Variants in LCORL observed in about 807,000 individuals in gnomAD.
LCORL encodes the protein ligand-dependent nuclear receptor corepressor-like protein.
LCORL carries 41 observed loss-of-function variants against 141.8 expected under a neutral mutation model. The ratio of observed to expected loss-of-function variants is 0.29; its 90% CI spans 0.23 to 0.38. The LOEUF (loss-of-function observed/expected upper bound fraction) is 0.38, where lower values mean the gene tolerates loss of function less well. Ranked by LOEUF, LCORL falls within the 10% of genes least tolerant of loss-of-function variation. The pLI is 1.00. For missense variants in LCORL, 1,759 were observed against 2,035.0 expected (o/e 0.86, Z 2.61); for synonymous variants, 618 against 694.1 (o/e 0.89, Z 1.72).
At chr4:17,985,705 T>C (rs144796655) in intron 1 of LCORL, among the ~76,000 whole-genome samples, 157 of 152,276 alleles carry the variant, frequency 1.0e-3, no homozygotes, top group Middle Eastern at 3.4e-3. Context: ...TGGGTCTTGC[T>C]TTTTTATCCA....
intron 1 of LCORL, among the ~76,000 whole-genome samples, chr4:17,994,266 T>A (rs1481528011): frequency 3.3e-5 from 5 of 152,206 alleles, no homozygotes; most frequent in African/African-American, 1.2e-4. Flanking sequence ...ATGATGCTAT[T>A]TTGTTTTATA....
At chr4:17,959,152 C>T (rs1713282112) in intron 4 of LCORL, among the ~76,000 whole-genome samples, 1 of 151,908 alleles carries the variant, frequency 6.6e-6, no homozygotes, top group South Asian at 2.1e-4. Context: ...TTATTAAGCA[C>T]TATAAGGGAA....
chr4:17,899,003 TATC>T (rs1730438490), intron 5 of LCORL, among the ~76,000 whole-genome samples: 1 of 152,256 alleles, frequency 6.6e-6, no homozygotes, highest in Non-Finnish European at 1.5e-5. Context: ...CTTGAATTCT[TATC>T]AGTGTGACAG....
intron 7 of LCORL, among the ~76,000 whole-genome samples, chr4:17,848,248 G>A (rs1723171497): frequency 6.6e-6 from 1 of 152,202 alleles, no homozygotes; most frequent in African/African-American, 2.4e-5. Flanking sequence ...CAGTGGATAT[G>A]CAAAGTTTGG....
chr4:17,895,006 T>C lies in LCORL; in HGVS notation c.683-8845A>G, dbSNP rs1243930913. Among the ~76,000 whole-genome samples, 4 of 149,648 alleles carry C rather than the reference T, an allele frequency of 2.7e-5. No homozygotes were observed. The East Asian group carries it at 5.8e-4, about 22-fold the overall frequency. On this transcript the variant is annotated intron_variant, in intron 5 of 7. Coordinates refer to ENST00000635767, the Ensembl canonical transcript of LCORL. The stretch of plus-strand genomic sequence containing the variant: ...AAAATAATCTTTCCTCTGATATTTA[T>C]CTTTATATATATATGTTTATATATA...
chr4:17,961,919 T>G (rs775548428), exon 4 of LCORL: 3 of 1,609,284 alleles, frequency 1.9e-6, no homozygotes, highest in Non-Finnish European at 2.5e-6. Flanking sequence ...TTCGAAAGAG[T>G]GCATTTAGGT....
At chr4:18,020,926 C>T (rs906602597) in intron 1 of LCORL, among the ~76,000 whole-genome samples, 1 of 152,330 alleles carries the variant, frequency 6.6e-6, no homozygotes, top group East Asian at 1.9e-4. Flanking sequence ...ACCGTCAGCG[C>T]TCAAGCGGCT....
chr4:17,979,778 C>T (rs1378700545), intron 1 of LCORL, among the ~76,000 whole-genome samples: 1 of 152,130 alleles, frequency 6.6e-6, no homozygotes. Context: ...GCAAACTATG[C>T]TACATGGCAA....
intron 6 of LCORL, chr4:17,883,621 C>T (rs1312769060): frequency 7.9e-6 from 11 of 1,388,338 alleles, no homozygotes; most frequent in African/African-American, 1.5e-5. Flanking sequence ...GTAATTCCCA[C>T]GTGTGTATAT....
chr4:17,868,370 T>C (rs1577286186), intron 7 of LCORL, among the ~76,000 whole-genome samples: 2 of 152,088 alleles, frequency 1.3e-5, no homozygotes, highest in Non-Finnish European at 2.9e-5. Flanking sequence ...ATTCAAAATT[T>C]TTATGGGAAA....
chr4:17,938,407 CTGTT>C (rs748955415), intron 4 of LCORL, among the ~76,000 whole-genome samples: 11 of 145,674 alleles, frequency 7.6e-5, no homozygotes, highest in Non-Finnish European at 3.0e-5. Flanking sequence ...CATTTTGTAA[CTGTT>C]TCTTTCTTTT....
chr4:17,975,646 T>G (rs1716805112), intron 1 of LCORL, among the ~76,000 whole-genome samples: 1 of 152,188 alleles, frequency 6.6e-6, no homozygotes, highest in African/African-American at 2.4e-5. Flanking sequence ...TCCATCCATC[T>G]CAGCCTCCCA....
chr4:17,869,561 A>G (rs1249324261), intron 7 of LCORL, among the ~76,000 whole-genome samples: 1 of 151,984 alleles, frequency 6.6e-6, no homozygotes, highest in African/African-American at 2.4e-5. Context: ...CCTCTCAACT[A>G]CTGTCATCTG....
chr4:17,917,173 A>G (rs1733575189), intron 4 of LCORL, among the ~76,000 whole-genome samples: 3 of 150,864 alleles, frequency 2.0e-5, no homozygotes, highest in Admixed American at 1.3e-4. Flanking sequence ...GGGTTTCACC[A>G]CGTTGGCCAG....
chr4:17,862,924 A>G (rs1450817472), intron 7 of LCORL, among the ~76,000 whole-genome samples: 1 of 152,236 alleles, frequency 6.6e-6, no homozygotes, highest in Non-Finnish European at 1.5e-5. Flanking sequence ...AACTGACAGA[A>G]TGGGAGAATA....
At chr4:17,924,220 C>G (rs1026382996) in intron 4 of LCORL, among the ~76,000 whole-genome samples, 2 of 152,156 alleles carry the variant, frequency 1.3e-5, no homozygotes, top group African/African-American at 4.8e-5. Context: ...CAATGGGTGA[C>G]CTCAGCAGAG....
intron 7 of LCORL, among the ~76,000 whole-genome samples, chr4:17,849,203 G>C (rs1245983464): frequency 6.6e-6 from 1 of 152,240 alleles, no homozygotes; most frequent in Non-Finnish European, 1.5e-5. Flanking sequence ...TGCAGCTGGA[G>C]ATCTGAGAAC....
At chr4:17,922,466 T>G (rs534556899) in intron 4 of LCORL, among the ~76,000 whole-genome samples, 6 of 152,294 alleles carry the variant, frequency 3.9e-5, no homozygotes, top group African/African-American at 1.4e-4. Flanking sequence ...CCAAGGAATA[T>G]AATGAAGTCG....
chr4:18,015,042 G>C (rs1019845218), intron 1 of LCORL, among the ~76,000 whole-genome samples: 1 of 152,128 alleles, frequency 6.6e-6, no homozygotes, highest in Admixed American at 6.5e-5. Flanking sequence ...CAAAAATGTA[G>C]GTTATTACAA....
Sources: gnomAD v4.1 joint callset for allele counts (sites outside exome capture counted in the v4.1 genomes callset) on GRCh38, gnomAD v4.1.1 for gene constraint, MANE v1.5 for transcripts, NCBI Gene and HGNC (gene_info 2026-07-23, HGNC 2026-07-21) for gene names.